Variants in SCAMP1 observed in about 807,000 individuals in gnomAD.
The protein encoded by SCAMP1 is secretory carrier membrane protein 1.
Under a neutral mutation model 41.8 loss-of-function variants are expected in SCAMP1, and 15 were observed. The observed-to-expected ratio is 0.36, with a 90% CI of 0.24 to 0.55. The LOEUF is 0.55. Ranked by LOEUF, SCAMP1 falls within the 20% of genes least tolerant of loss-of-function variation. The pLI is 0.86. For synonymous variants in SCAMP1, 135 were observed against 136.8 expected, an observed-to-expected ratio of 0.99 and a Z score of 0.09; for missense variants, 341 against 412.6, an observed-to-expected ratio of 0.83 and a Z score of 1.50.
intron 8 of SCAMP1, among the ~76,000 whole-genome samples, chr5:78,461,197 A>G (rs1349911809): frequency 1.3e-5 from 2 of 152,022 alleles, no homozygotes; most frequent in Admixed American, 6.6e-5. Context: ...CCATTTGTCA[A>G]TTTTTGTTTG....
intron 1 of SCAMP1, among the ~76,000 whole-genome samples, chr5:78,362,115 A>G (rs565297005): frequency 6.6e-6 from 1 of 151,860 alleles, no homozygotes; most frequent in South Asian, 2.1e-4. Context: ...GTTTTGTTTC[A>G]ATTAGTATTG....
chr5:78,407,627 GT>G (rs66524275), intron 2 of SCAMP1, among the ~76,000 whole-genome samples: 108,809 of 145,848 alleles, frequency 0.75, 40,979 homozygotes, highest in African/African-American at 0.8. Context: ...CCCTTATCCT[GT>G]TTTTTTTTTT....
At chr5:78,383,643 T>C (rs1751265701) in intron 1 of SCAMP1, among the ~76,000 whole-genome samples, 1 of 152,216 alleles carries the variant, frequency 6.6e-6, no homozygotes, top group Admixed American at 6.5e-5. Flanking sequence ...TTCATTCTTC[T>C]ACATGTGGCT....
intron 2 of SCAMP1, among the ~76,000 whole-genome samples, chr5:78,394,000 A>G (rs1474111979): frequency 2.0e-5 from 3 of 152,204 alleles, no homozygotes; most frequent in South Asian, 4.2e-4. Context: ...CTTGGGGCCT[A>G]GTTTACTGTC....
intron 7 of SCAMP1, among the ~76,000 whole-genome samples, chr5:78,456,378 T>C (rs928111843): frequency 1.3e-5 from 2 of 152,216 alleles, no homozygotes; most frequent in African/African-American, 2.4e-5. Flanking sequence ...AGGGCAGGCC[T>C]GGTGGTGACA....
At chr5:78,411,535 T>C (rs1752076968) in intron 2 of SCAMP1, among the ~76,000 whole-genome samples, 1 of 152,216 alleles carries the variant, frequency 6.6e-6, no homozygotes, top group Non-Finnish European at 1.5e-5. Context: ...CGTGTCATGT[T>C]GTATATACAG....
intron 7 of SCAMP1, among the ~76,000 whole-genome samples, chr5:78,457,353 A>C (rs1298507319): frequency 6.6e-6 from 1 of 151,882 alleles, no homozygotes; most frequent in South Asian, 2.1e-4. Flanking sequence ...TGATGTACAG[A>C]TGGGTTTTTG....
chr5:78,391,407 G>T (rs1365237569), intron 2 of SCAMP1, among the ~76,000 whole-genome samples: 1 of 151,768 alleles, frequency 6.6e-6, no homozygotes, highest in Non-Finnish European at 1.5e-5. Context: ...CCTGGCGGGG[G>T]GCTGACCCCC....
intron 2 of SCAMP1, among the ~76,000 whole-genome samples, chr5:78,392,480 A>G (rs946636038): frequency 6.6e-6 from 1 of 152,240 alleles, no homozygotes; most frequent in Admixed American, 6.5e-5. Context: ...AATTGGTGTA[A>G]TTAAAAATTA....
chr5:78,425,582 A>G (rs933292062), intron 6 of SCAMP1, among the ~76,000 whole-genome samples: 16 of 152,252 alleles, frequency 1.1e-4, no homozygotes, highest in African/African-American at 3.6e-4. Context: ...AGCTGTGCAA[A>G]TACTTTTTTG....
At chr5:78,379,850 TC>T (rs1389468560) in intron 1 of SCAMP1, among the ~76,000 whole-genome samples, 1 of 152,214 alleles carries the variant, frequency 6.6e-6, no homozygotes, top group Non-Finnish European at 1.5e-5. Flanking sequence ...ATCTTTCTGA[TC>T]CTACATTCTA....
rs377578986 is a variant in SCAMP1 at position 78,418,916 on chromosome 5, C to T, written c.472+13C>T. On this transcript the variant is annotated intron_variant, in intron 5 of 8. Transcript: ENST00000621999. ...TACTTGTGGATGTGTGAGTATACAA[C>T]AATTTACATCTTTGCTTAGAATTTG... 3.2e-5 allele frequency: 50 copies of T among 1,545,652 alleles called. No homozygotes were observed. The highest frequency in any genetic ancestry group is 4.4e-5 in the Non-Finnish European group (50 of 1,148,282).
At chr5:78,458,241 A>C (rs1021020858) in intron 7 of SCAMP1, among the ~76,000 whole-genome samples, 10 of 152,164 alleles carry the variant, frequency 6.6e-5, no homozygotes, top group African/African-American at 2.4e-4. Flanking sequence ...AAACAGACAA[A>C]CTGTTCTCTA....
At chr5:78,452,513 T>C (rs1283925258) in intron 7 of SCAMP1, among the ~76,000 whole-genome samples, 12 of 130,574 alleles carry the variant, frequency 9.2e-5, no homozygotes, top group Admixed American at 6.2e-4. Context: ...ACAAAGGACA[T>C]GAACTCATCA....
rs1288602241 is a variant in SCAMP1 at position 78,378,648 on chromosome 5, G to C, written c.58-10189G>C. ...AAACACTGTGAAGTAACACTGTAAA[G>C]TTAAGTGGCATTACTAGAGTATTGA... On this transcript the variant is annotated intron_variant, in intron 1 of 8. Coordinates refer to ENST00000621999, the MANE Select transcript of SCAMP1 (RefSeq NM_004866.6). Among the ~76,000 whole-genome samples, 3 of 152,320 alleles carry C rather than the reference G, an allele frequency of 2.0e-5. No individual in the cohort carries two copies. In the East Asian group the frequency reaches 5.8e-4, roughly 29 times the overall value.
intron 1 of SCAMP1, among the ~76,000 whole-genome samples, chr5:78,375,424 C>T (rs1375067668): frequency 6.6e-6 from 1 of 152,038 alleles, no homozygotes; most frequent in Non-Finnish European, 1.5e-5. Context: ...AGAAAAGATA[C>T]AGAACCCAAG....
intron 6 of SCAMP1, among the ~76,000 whole-genome samples, chr5:78,445,046 T>C (rs969282611): frequency 1.3e-5 from 2 of 152,224 alleles, no homozygotes; most frequent in African/African-American, 2.4e-5. Context: ...TGGTGTGCTT[T>C]AGTTAACTTG....
chr5:78,421,658 G>A, intron 5 of SCAMP1, 143 bp from the exon 6 acceptor site: 1 of 726,222 alleles, frequency 1.4e-6, no homozygotes. Flanking sequence ...AGATACAACA[G>A]TGTTTTGAAA....
rs531602572 is a variant in SCAMP1 at position 78,418,966 on chromosome 5, T to G, written c.472+63T>G. 2.4e-4 allele frequency: 333 copies of G among 1,404,604 alleles called. 1 individual carries two copies. The highest frequency in any genetic ancestry group is 3.0e-4 in the Non-Finnish European group (312 of 1,037,492). 87.0% of individuals were successfully genotyped at this position (1,404,604 alleles called of 1,614,324 possible). A position where few individuals can be genotyped will look rare whatever the true frequency, so the allele number is the denominator to read the frequency against. On this transcript the variant is annotated intron_variant, in intron 5 of 8. Coordinates refer to ENST00000621999, the MANE Select transcript of SCAMP1 (RefSeq NM_004866.6). ...GTATTTTTGTTGTCAAAATCCGCATTTTTATTTCAAGGATAGTATAGCAAA... is the reference window on the plus strand; with the variant it reads ...GTATTTTTGTTGTCAAAATCCGCATGTTTATTTCAAGGATAGTATAGCAAA...
Sources: allele counts gnomAD v4.1 joint callset (sites outside exome capture counted in the v4.1 genomes callset), GRCh38; gene constraint gnomAD v4.1.1; transcripts MANE v1.5; gene names NCBI Gene and HGNC (gene_info 2026-07-23, HGNC 2026-07-21).